KCNA2: variants seen among roughly 807,000 people sequenced by gnomAD.
KCNA2 encodes the protein potassium voltage-gated channel subfamily A member 2, also known as potassium channel, voltage gated shaker related subfamily A, member 2.
A neutral mutation model predicts 33.4 loss-of-function variants in KCNA2; 11 were observed. The ratio of observed to expected loss-of-function variants is 0.33; its 90% CI spans 0.21 to 0.55. KCNA2 has a LOEUF of 0.55. KCNA2 is among the 20% of genes least tolerant of loss of function. The pLI, the probability that KCNA2 is intolerant of heterozygous loss-of-function variation, is 0.93. For synonymous variants in KCNA2, 222 were observed against 231.3 expected, an observed-to-expected ratio of 0.96 and a Z score of 0.37; for missense variants, 291 against 621.6, an observed-to-expected ratio of 0.47 and a Z score of 5.66.
At position 110,624,524 on chromosome 1, in the gene KCNA2, T is replaced by A. The variant is rs147973390; in HGVS notation, c.-496+6871A>T. On this transcript the variant is annotated intron_variant, in intron 1 of 4. Transcript: ENST00000369770. ...CTGACAAGTGGCAGGAGTGAACTTT[T>A]GGGGGTGATGGATATATAAATCTAT... 6.4e-3 allele frequency among the ~76,000 whole-genome samples: 972 copies of A among 152,324 alleles called. 8 individuals are homozygous for A. Among genetic ancestry groups the A allele is most frequent in the Non-Finnish European group, 0.011 (729 of 68,032 alleles).
Position 110,602,052 on chromosome 1 carries a change from G to T in KCNA2, c.*1231C>A. ...GACCTGCCTGTCATCAGGACCAGAT[G>T]CCCTGGTCCACTGTACAGTCATGCC... On this transcript the variant is annotated 3_prime_UTR_variant, in exon 3 of 3. Coordinates refer to ENST00000316361, the MANE Select transcript of KCNA2 (RefSeq NM_004974.4). The T allele has an allele frequency of 1.9e-6, 3 of 1,549,476 alleles. No individual in the cohort carries two copies. The highest frequency in any genetic ancestry group is 2.6e-6 in the Non-Finnish European group (3 of 1,146,064).
intron 1 of KCNA2, among the ~76,000 whole-genome samples, chr1:110,625,796 T>G (rs931015282): frequency 6.6e-6 from 1 of 152,150 alleles, no homozygotes; most frequent in Non-Finnish European, 1.5e-5. Flanking sequence ...CAATGAACAA[T>G]CAGTCCACAG....
chr1:110,599,084 G>A lies in KCNA2; in HGVS notation c.*4199C>T. On this transcript the variant is annotated 3_prime_UTR_variant, in exon 3 of 3. Transcript: ENST00000316361. The stretch of plus-strand genomic sequence containing the variant: ...ACTCCCTACTGTTGTTACCTTTTCT[G>A]TAGAGACTGGGAGCTGCGACCATCA... The A allele has an allele frequency of 2.0e-6, 2 of 985,422 alleles. No homozygotes were observed. The highest frequency in any genetic ancestry group is 2.4e-6 in the Non-Finnish European group (2 of 829,932). 61.0% of individuals were successfully genotyped at this position (985,422 alleles called of 1,614,324 possible). A position where few individuals can be genotyped will look rare whatever the true frequency, so the allele number is the denominator to read the frequency against.
In KCNA2 at chr1:110,597,488, G is replaced by A. The variant is rs1215066772; in HGVS notation, c.*5795C>T. 8 of 985,402 alleles carry A rather than the reference G, an allele frequency of 8.1e-6. No individual in the cohort carries two copies. Among genetic ancestry groups the A allele is most frequent in the Middle Eastern group, 5.2e-4 (1 of 1,916 alleles). The allele number at this position is 985,402 out of a possible 1,614,324, so 61.0% of individuals were successfully genotyped here. On this transcript the variant is annotated 3_prime_UTR_variant, in exon 3 of 3. Coordinates refer to ENST00000316361, the MANE Select transcript of KCNA2 (RefSeq NM_004974.4). ...GCAGAAATGGGGAGACAGAGGGAGAGGGGACAGAGACACACATGGAGACAG... is the reference window on the plus strand; with the variant it reads ...GCAGAAATGGGGAGACAGAGGGAGAAGGGACAGAGACACACATGGAGACAG...
chr1:110,628,153 G>C (rs907763838), intron 1 of KCNA2, among the ~76,000 whole-genome samples: 7 of 152,204 alleles, frequency 4.6e-5, no homozygotes, highest in African/African-American at 1.7e-4. Flanking sequence ...CCTGATGGGG[G>C]AAAAGACAGT....
In KCNA2 at chr1:110,604,939, C is replaced by T. The variant is rs1273661502; in HGVS notation, c.-157G>A. The T allele has an allele frequency of 1.3e-5, 9 of 684,810 alleles. No homozygotes were observed. Among genetic ancestry groups the T allele is most frequent in the African/African-American group, 1.8e-5 (1 of 55,350 alleles). 42.4% of individuals were successfully genotyped at this position (684,810 alleles called of 1,614,324 possible). On this transcript the variant is annotated 5_prime_UTR_variant, in exon 3 of 3. Coordinates refer to ENST00000316361, the MANE Select transcript of KCNA2 (RefSeq NM_004974.4). The surrounding 1 kb of genome is among the most constrained non-coding windows in gnomAD (Gnocchi z 7.6). ...TCTCTGAGAGCTGGAGAGACAGCCTCGCTTGGCTGAAAGACAGAGGCAGTT... is the reference window on the plus strand; with the variant it reads ...TCTCTGAGAGCTGGAGAGACAGCCTTGCTTGGCTGAAAGACAGAGGCAGTT...
rs1158574614 is a variant in KCNA2, at chr1:110,599,122, G to T, written c.*4161C>A. The T allele has an allele frequency of 9.1e-6, 9 of 985,316 alleles. No individual in the cohort carries two copies. The highest frequency in any genetic ancestry group is 1.1e-5 in the Non-Finnish European group (9 of 829,948). The allele number at this position is 985,316 out of a possible 1,614,324, so 61.0% of individuals were successfully genotyped here. A position where few individuals can be genotyped will look rare whatever the true frequency, so the allele number is the denominator to read the frequency against. On this transcript the variant is annotated 3_prime_UTR_variant, in exon 3 of 3. Transcript: ENST00000316361. ...GCTGCGACCATCACTGGAAGGGAGA[G>T]TGAGACACAACGGGATGGCTGCAGG...
intron 1 of KCNA2, among the ~76,000 whole-genome samples, chr1:110,612,496 C>A (rs551716139): frequency 7.3e-4 from 111 of 152,298 alleles, no homozygotes; most frequent in Middle Eastern, 3.4e-3. Context: ...CCACATGCAG[C>A]CAATCACTTG....
Position 110,605,674 on chromosome 1 carries a change from G to A in KCNA2, c.-447C>T, listed in dbSNP as rs1218701407. ...TTGAAGGAAGGAGGCAAGATGCAAA[G>A]CTCAGCAAAAGCTGGAGTCCTGGCT... On this transcript the variant is annotated 5_prime_UTR_variant, in exon 2 of 3. Transcript: ENST00000316361. 6.6e-6 allele frequency: 1 copy of A among 152,376 alleles called. No individual in the cohort carries two copies. The highest frequency in any genetic ancestry group is 1.9e-4 in the East Asian group (1 of 5,190). 9.4% of individuals were successfully genotyped at this position (152,376 alleles called of 1,614,324 possible). A position where few individuals can be genotyped will look rare whatever the true frequency, so the allele number is the denominator to read the frequency against.
chr1:110,594,234 T>C lies in KCNA2; in HGVS notation c.*9049A>G, dbSNP rs1261435674. 2.8e-6 allele frequency: 3 copies of C among 1,087,640 alleles called. No individual in the cohort carries two copies. The highest frequency in any genetic ancestry group is 3.4e-6 in the Non-Finnish European group (3 of 895,466). 67.4% of individuals were successfully genotyped at this position (1,087,640 alleles called of 1,614,324 possible). A position where few individuals can be genotyped will look rare whatever the true frequency, so the allele number is the denominator to read the frequency against. ...CAAGGAAGCCAGTGCAAACCCTAAC[T>C]GGAGTCTGTGCTGCATGAGCCTAAG... On this transcript the variant is annotated 3_prime_UTR_variant, in exon 3 of 3. Coordinates refer to ENST00000316361, the MANE Select transcript of KCNA2 (RefSeq NM_004974.4).
At chr1:110,608,770 G>A (rs1188005283), upstream of KCNA2, among the ~76,000 whole-genome samples, 1 of 152,222 alleles carries the variant, frequency 6.6e-6, no homozygotes, top group Non-Finnish European at 1.5e-5. Context: ...CTCCCTAACA[G>A]TTACTAGATA....
rs921754134 is a variant in KCNA2 at position 110,597,033 on chromosome 1, C to G, written c.*6250G>C. 4 of 985,350 alleles carry G rather than the reference C, an allele frequency of 4.1e-6. No homozygotes were observed. The African/African-American group carries it at 7.0e-5, about 17-fold the overall frequency. The allele number at this position is 985,350 out of a possible 1,614,324, so 61.0% of individuals were successfully genotyped here. ...GTCTTTATTTCACTAATGTCATGCC[C>G]TAACCACCCAAACTTCTATCCCTGT... On this transcript the variant is annotated 3_prime_UTR_variant, in exon 3 of 3. Coordinates refer to ENST00000316361, the MANE Select transcript of KCNA2 (RefSeq NM_004974.4).
At position 110,596,649 on chromosome 1, in the gene KCNA2, C is replaced by T. The variant is rs1017675107; in HGVS notation, c.*6634G>A. ...AGGCAAGGTCCCTGTTATCTTCAAACACTCTACTTAACTAAGGCAGGAAAG... is the reference window on the plus strand; with the variant it reads ...AGGCAAGGTCCCTGTTATCTTCAAATACTCTACTTAACTAAGGCAGGAAAG... On this transcript the variant is annotated 3_prime_UTR_variant, in exon 3 of 3. Transcript: ENST00000316361. The T allele has an allele frequency of 1.9e-5, 15 of 787,800 alleles. No individual in the cohort carries two copies. The highest frequency in any genetic ancestry group is 2.0e-5 in the Non-Finnish European group (13 of 649,706). The allele number at this position is 787,800 out of a possible 1,614,324, so 48.8% of individuals were successfully genotyped here.
upstream of KCNA2, among the ~76,000 whole-genome samples, chr1:110,609,412 A>G (rs570608454): frequency 3.3e-5 from 5 of 152,332 alleles, no homozygotes; most frequent in Admixed American, 2.6e-4. Flanking sequence ...CTAGAAGTCA[A>G]TGTATACATT....
intron 1 of KCNA2, among the ~76,000 whole-genome samples, chr1:110,616,667 T>C (rs1650077195): frequency 6.6e-6 from 1 of 152,142 alleles, no homozygotes; most frequent in African/African-American, 2.4e-5. Context: ...CATTCAACAG[T>C]TACAGAAACA....
intron 1 of KCNA2, among the ~76,000 whole-genome samples, chr1:110,630,038 G>A (rs1650509696): frequency 8.8e-6 from 1 of 114,042 alleles, no homozygotes; most frequent in Non-Finnish European, 1.8e-5. Flanking sequence ...TTTTTGAGAC[G>A]GAGTTTTGCT....
chr1:110,623,915 G>C (rs182336414), intron 1 of KCNA2, among the ~76,000 whole-genome samples: 119 of 146,064 alleles, frequency 8.1e-4, no homozygotes, highest in Middle Eastern at 3.6e-3. Flanking sequence ...GATCAGAACA[G>C]TGAAGCCAAA....
chr1:110,623,996 A>G (rs1650326163), intron 1 of KCNA2, among the ~76,000 whole-genome samples: 1 of 152,200 alleles, frequency 6.6e-6, no homozygotes, highest in Non-Finnish European at 1.5e-5. Flanking sequence ...ACTGAGGATA[A>G]CATCTGTTGG....
At chr1:110,615,995 G>A (rs1019372929) in intron 1 of KCNA2, among the ~76,000 whole-genome samples, 1 of 152,228 alleles carries the variant, frequency 6.6e-6, no homozygotes, top group Non-Finnish European at 1.5e-5. Context: ...CCAGATGGGA[G>A]GAGAAAAGAG....
Sources: allele counts gnomAD v4.1 joint callset (sites outside exome capture counted in the v4.1 genomes callset), GRCh38; gene constraint gnomAD v4.1.1; non-coding constraint Gnocchi (gnomAD v3.1); transcripts MANE v1.5; gene names NCBI Gene and HGNC (gene_info 2026-07-23, HGNC 2026-07-21).